Variants in MYH15 observed in about 807,000 individuals in gnomAD.
MYH15 encodes the protein myosin heavy chain 15, also known as myosin-15.
MYH15 carries 227 observed loss-of-function variants against 240.5 expected under a neutral mutation model. The ratio of observed to expected loss-of-function variants is 0.94; its 90% CI spans 0.85 to 1.05. The LOEUF is 1.05. Ranked by LOEUF, MYH15 falls within the 50% of genes least tolerant of loss-of-function variation. MYH15 has a pLI of 0.00. For missense variants in MYH15, 2,217 were observed against 2,247.5 expected, an observed-to-expected ratio of 0.99 and a Z score of 0.27; for synonymous variants, 785 against 796.7, an observed-to-expected ratio of 0.99 and a Z score of 0.25.
chr3:108,533,649 C>T (rs9288877), upstream of MYH15, among the ~76,000 whole-genome samples: 21,441 of 151,998 alleles, frequency 0.14, 1,781 homozygotes, highest in East Asian at 0.35. Flanking sequence ...GACTATATTT[C>T]GTGAAAGACT....
At chr3:108,547,576 A>G in the MYH15 span, among the ~76,000 whole-genome samples, 1 of 152,186 alleles carries the variant, frequency 6.6e-6, no homozygotes, top group South Asian at 2.1e-4. Flanking sequence ...TTATTTTCTT[A>G]AACTACAGAA....
the MYH15 span, among the ~76,000 whole-genome samples, chr3:108,545,990 A>G: frequency 6.6e-6 from 1 of 152,166 alleles, no homozygotes; most frequent in African/African-American, 2.4e-5. Flanking sequence ...ATAAATTGCT[A>G]GAAGTGAAGC....
chr3:108,398,992 G>A, intron 34 of MYH15, 83 bp downstream of exon 34: 1 of 1,497,742 alleles, frequency 6.7e-7, no homozygotes, highest in Admixed American at 1.7e-5. Context: ...CTTTACTGCT[G>A]AACACAATCT....
chr3:108,527,174 GTCTGGGGGATC>G (rs2083679222), intron 1 of MYH15, among the ~76,000 whole-genome samples: 1 of 152,148 alleles, frequency 6.6e-6, no homozygotes, highest in South Asian at 2.1e-4. Context: ...GATGCTACTT[GTCTGGGGGATC>G]TCACTTTGAG....
chr3:108,417,057 G>T, intron 28 of MYH15, 127 bp from the exon 29 acceptor site: 2 of 694,362 alleles, frequency 2.9e-6, no homozygotes, highest in Non-Finnish European at 2.5e-6. Context: ...TTTAGGAAGG[G>T]TCTGAGAGTC....
chr3:108,485,881 A>T (rs774403057), intron 10 of MYH15, among the ~76,000 whole-genome samples: 1 of 152,250 alleles, frequency 6.6e-6, no homozygotes, highest in East Asian at 1.9e-4. Flanking sequence ...GTGTTTAGCT[A>T]CAGAGATATT....
intron 28 of MYH15, among the ~76,000 whole-genome samples, chr3:108,419,694 T>C (rs1023551014): frequency 2.0e-5 from 3 of 152,206 alleles, no homozygotes; most frequent in Non-Finnish European, 4.4e-5. Flanking sequence ...ACCAAAAACA[T>C]TTCCTTCTTC....
chr3:108,502,778 C>T (rs917223247), intron 2 of MYH15, among the ~76,000 whole-genome samples: 74 of 152,148 alleles, frequency 4.9e-4, no homozygotes, highest in African/African-American at 1.6e-3. Context: ...ACACTCTTTA[C>T]ATTCTTGATT....
chr3:108,463,322 T>G, intron 15 of MYH15, 79 bp from the exon 16 acceptor site: 1 of 502,528 alleles, frequency 2.0e-6, no homozygotes, highest in Non-Finnish European at 2.8e-6. Flanking sequence ...GCATTACCCC[T>G]TTTTTTTTTT....
chr3:108,464,936 T>A, intron 14 of MYH15, 122 bp from the exon 15 acceptor site: 1 of 801,538 alleles, frequency 1.2e-6, no homozygotes, highest in Non-Finnish European at 1.9e-6. Flanking sequence ...ATTCACTGCA[T>A]AAAACTAGCA....
intron 22 of MYH15, among the ~76,000 whole-genome samples, chr3:108,443,644 C>G (rs566770958): frequency 6.6e-6 from 1 of 152,060 alleles, no homozygotes; most frequent in Non-Finnish European, 1.5e-5. Flanking sequence ...TAGCATCATA[C>G]TGTAGACAGA....
intron 23 of MYH15, 89 bp downstream of exon 23, chr3:108,440,929 T>A: frequency 6.6e-7 from 1 of 1,514,298 alleles, no homozygotes; most frequent in Non-Finnish European, 9.0e-7. Flanking sequence ...GTTAATTAAC[T>A]TGAATAGAGC....
intron 33 of MYH15, among the ~76,000 whole-genome samples, chr3:108,403,124 G>C (rs1216992267): frequency 6.6e-6 from 1 of 152,214 alleles, no homozygotes; most frequent in Non-Finnish European, 1.5e-5. Flanking sequence ...TGTTGAACAA[G>C]TGAAACATAT....
At chr3:108,447,347 C>T (rs980184543) in intron 21 of MYH15, among the ~76,000 whole-genome samples, 5 of 151,862 alleles carry the variant, frequency 3.3e-5, no homozygotes, top group African/African-American at 4.8e-5. Context: ...GAGAGGAAAA[C>T]GAACAACTAG....
chr3:108,542,873 T>C, the MYH15 span, among the ~76,000 whole-genome samples: 2 of 148,730 alleles, frequency 1.3e-5, no homozygotes, highest in Admixed American at 6.7e-5. Context: ...AATGACATGA[T>C]CTCGTTCCTT....
intron 25 of MYH15, among the ~76,000 whole-genome samples, chr3:108,432,267 C>T (rs543843387): frequency 6.6e-6 from 1 of 152,204 alleles, no homozygotes; most frequent in South Asian, 2.1e-4. Flanking sequence ...CTGTGTTGCC[C>T]AGGCTGGTCT....
Position 108,414,262 on chromosome 3 carries a change from A to T in MYH15, c.4115T>A (p.Ile1372Asn). 1.2e-6 allele frequency: 2 copies of T among 1,614,096 alleles called. No homozygotes were observed. The highest frequency in any genetic ancestry group is 1.7e-6 in the Non-Finnish European group (2 of 1,180,006). ...QWRMKYENNV[I>N]QRTEDLEDAK... The stretch of plus-strand genomic sequence containing the variant: ...ATCCTCCAAGTCTTCTGTTCTCTGG[A>T]TGACATTGTTTTCATACTTCATTCT... Residue 1372 changes from isoleucine (I) to asparagine (N), a missense_variant, in exon 30 of 41, where the codon ATC (isoleucine) becomes AAC (asparagine). Physicochemically the swap from Ile to Asn is moderately radical, Grantham distance 149. Transcript: ENST00000693548.
At chr3:108,459,827 G>A (rs1345031565) in intron 17 of MYH15, among the ~76,000 whole-genome samples, 1 of 152,098 alleles carries the variant, frequency 6.6e-6, no homozygotes, top group Non-Finnish European at 1.5e-5. Flanking sequence ...TGGGAATTCT[G>A]GTTCAAGAGA....
chr3:108,478,026 TG>T (rs777009631), intron 11 of MYH15, among the ~76,000 whole-genome samples: 3 of 152,174 alleles, frequency 2.0e-5, no homozygotes, highest in African/African-American at 4.8e-5. Flanking sequence ...CTAGTATGTC[TG>T]GCATAGTCAT....
Sources: allele counts gnomAD v4.1 joint callset (sites outside exome capture counted in the v4.1 genomes callset), GRCh38; gene constraint gnomAD v4.1.1; transcripts MANE v1.5; gene names NCBI Gene and HGNC (gene_info 2026-07-23, HGNC 2026-07-21).